HSD17B11: variants seen among roughly 807,000 people sequenced by gnomAD.
HSD17B11 encodes estradiol 17-beta-dehydrogenase 11.
A neutral mutation model predicts 27.8 loss-of-function variants in HSD17B11; 22 were observed. That is an observed-to-expected ratio of 0.79 (90% CI 0.56 to 1.13). The LOEUF (loss-of-function observed/expected upper bound fraction) is 1.13. Ranked by LOEUF, HSD17B11 falls within the 50% of genes most tolerant of loss-of-function variation. HSD17B11 has a pLI of 0.00. For synonymous variants in HSD17B11, 117 were observed against 132.8 expected, an observed-to-expected ratio of 0.88 and a Z score of 0.82; for missense variants, 314 against 351.1, an observed-to-expected ratio of 0.89 and a Z score of 0.84.
chr4:87,368,058 C>G (rs1735640054), intron 4 of HSD17B11, among the ~76,000 whole-genome samples: 1 of 152,196 alleles, frequency 6.6e-6, no homozygotes, highest in South Asian at 2.1e-4. Context: ...TGGCTCATGC[C>G]TGTAATCCCA....
At chr4:87,390,069 C>A (rs1458669430) in intron 1 of HSD17B11, among the ~76,000 whole-genome samples, 1 of 152,172 alleles carries the variant, frequency 6.6e-6, no homozygotes, top group Admixed American at 6.5e-5. Context: ...AAGCAACCCC[C>A]CACCTCAGCC....
intron 4 of HSD17B11, among the ~76,000 whole-genome samples, chr4:87,360,979 A>T (rs1205946454): frequency 6.6e-6 from 1 of 152,216 alleles, no homozygotes; most frequent in Non-Finnish European, 1.5e-5. Flanking sequence ...CATTTAAAAT[A>T]TCCTTAAAAA....
chr4:87,363,206 A>G (rs1345302398), intron 4 of HSD17B11, among the ~76,000 whole-genome samples: 1 of 152,170 alleles, frequency 6.6e-6, no homozygotes, highest in Non-Finnish European at 1.5e-5. Context: ...TGCTCAGGGA[A>G]AAGGAACCCA....
intron 4 of HSD17B11, among the ~76,000 whole-genome samples, chr4:87,361,757 ACT>A (rs1216483172): frequency 1.3e-5 from 2 of 151,966 alleles, no homozygotes; most frequent in South Asian, 2.1e-4. Flanking sequence ...ACAGAGCGAG[ACT>A]CTGTCTCAAA....
At position 87,370,720 on chromosome 4, in the gene HSD17B11, ATATTAT is replaced by A. The variant is rs1165770162; in HGVS notation, c.557+1983_557+1988del. On this transcript the variant is annotated intron_variant, in intron 4 of 6. Coordinates refer to ENST00000358290, the MANE Select transcript of HSD17B11 (RefSeq NM_016245.5). ...GCGTGAGCCTCCACGCCTGGCCTAGATATTATTATTATTATTATTATTATTATTATT... is the reference window on the plus strand; with the variant it reads ...GCGTGAGCCTCCACGCCTGGCCTAGATATTATTATTATTATTATTATTATT... 1.5e-3 allele frequency among the ~76,000 whole-genome samples: 113 copies of A among 75,280 alleles called. 1 individual carries two copies. The Middle Eastern group carries it at 0.021, about 14-fold the overall frequency. 49.4% of individuals were successfully genotyped at this position (75,280 alleles called of 152,430 possible). A position where few individuals can be genotyped will look rare whatever the true frequency, so the allele number is the denominator to read the frequency against.
intron 2 of HSD17B11, among the ~76,000 whole-genome samples, chr4:87,379,591 T>C (rs1027926912): frequency 8.2e-5 from 12 of 145,914 alleles, no homozygotes; most frequent in African/African-American, 3.0e-4. Flanking sequence ...TACACAGCAT[T>C]ATATACAGCA....
At chr4:87,368,133 T>C (rs1051937394) in intron 4 of HSD17B11, among the ~76,000 whole-genome samples, 15 of 152,004 alleles carry the variant, frequency 9.9e-5, no homozygotes, top group African/African-American at 2.7e-4. Flanking sequence ...CTGGCTAACA[T>C]GGTGAAATCC....
Position 87,337,323 on chromosome 4 carries a change from T to C in HSD17B11, c.856A>G (p.Ser286Gly), listed in dbSNP as rs752703504. Residue 286 changes from serine to glycine, a missense_variant, in exon 7 of 7, where the codon AGT becomes GGT. By Grantham distance (56) the Ser-to-Gly change is moderately conservative. Transcript: ENST00000358290. ...CCAATAACTGCATCAAACTTAACAC[T>C]GATTTTTCGTTTTAAAACTGCCAGG... Reference protein sequence around the residue: ...RFLAVLKRKISVKFDAVIGYK... With the variant: ...RFLAVLKRKIGVKFDAVIGYK... The C allele has an allele frequency of 1.2e-6, 2 of 1,606,022 alleles. No homozygotes were observed. The highest frequency in any genetic ancestry group is 2.2e-5 in the South Asian group (2 of 90,474).
At chr4:87,369,581 G>A (rs751502786) in intron 4 of HSD17B11, among the ~76,000 whole-genome samples, 6 of 151,832 alleles carry the variant, frequency 4.0e-5, no homozygotes, top group African/African-American at 4.8e-5. Flanking sequence ...CTACAAGCAC[G>A]CACCACCACA....
At chr4:87,361,122 C>A (rs1279241991) in intron 4 of HSD17B11, among the ~76,000 whole-genome samples, 1 of 152,110 alleles carries the variant, frequency 6.6e-6, no homozygotes, top group Non-Finnish European at 1.5e-5. Flanking sequence ...CATTCTAAGT[C>A]ATAAGATGAC....
intron 1 of HSD17B11, among the ~76,000 whole-genome samples, chr4:87,388,571 G>A (rs996766580): frequency 2.0e-5 from 3 of 152,282 alleles, no homozygotes; most frequent in African/African-American, 7.2e-5. Flanking sequence ...GGCCACCACT[G>A]TAAAGTCAAC....
At chr4:87,378,895 A>ATATATTT (rs1720024843) in intron 2 of HSD17B11, among the ~76,000 whole-genome samples, 2 of 8,418 alleles carry the variant, frequency 2.4e-4, no homozygotes, top group Non-Finnish European at 3.6e-4. Flanking sequence ...TATATATATA[A>ATATATTT]ATATATATAA....
intron 4 of HSD17B11, among the ~76,000 whole-genome samples, chr4:87,370,755 A>ATTATTATT (rs70957229): frequency 5.2e-5 from 3 of 57,534 alleles, no homozygotes; most frequent in Admixed American, 2.2e-4. Flanking sequence ...TATTATTATT[A>ATTATTATT]TTTTTTTTTT....
chr4:87,365,237 A>G (rs577103147), intron 4 of HSD17B11, among the ~76,000 whole-genome samples: 4 of 152,358 alleles, frequency 2.6e-5, no homozygotes, highest in African/African-American at 9.6e-5. Flanking sequence ...GTGTATGTTT[A>G]TATATTACAA....
intron 4 of HSD17B11, among the ~76,000 whole-genome samples, chr4:87,370,615 C>T (rs1382288748): frequency 6.6e-6 from 1 of 151,236 alleles, no homozygotes; most frequent in African/African-American, 2.4e-5. Context: ...GACAGGGTTT[C>T]ACCATGTTGG....
chr4:87,341,960 T>C (rs994894508), intron 5 of HSD17B11, among the ~76,000 whole-genome samples: 1 of 152,210 alleles, frequency 6.6e-6, no homozygotes, highest in Non-Finnish European at 1.5e-5. Context: ...TGAGACTTTT[T>C]AACATTTTAT....
chr4:87,378,853 TATAA>T lies in HSD17B11; in HGVS notation c.318+3398_318+3401del, dbSNP rs1212731022. On this transcript the variant is annotated intron_variant, in intron 2 of 6. Transcript: ENST00000358290. Reference sequence around the variant, plus strand: ...ATAAATATATATATATAAATATATATATAAATATATATAAATATATATATATAAA... The same window carrying T: ...ATAAATATATATATATAAATATATATATATATATAAATATATATATATAAA... Among the ~76,000 whole-genome samples, 51 of 23,264 alleles carry T rather than the reference TATAA, an allele frequency of 2.2e-3. 1 individual carries two copies. The highest frequency in any genetic ancestry group is 0.011 in the Admixed American group (16 of 1,498). 15.3% of individuals were successfully genotyped at this position (23,264 alleles called of 152,430 possible).
intron 4 of HSD17B11, 77 bp downstream of exon 4, chr4:87,372,632 T>C (rs1414046341): frequency 4.6e-6 from 4 of 866,766 alleles, no homozygotes; most frequent in Non-Finnish European, 7.7e-6. Flanking sequence ...ATAAAGAGAG[T>C]TCTTATTAGA....
At chr4:87,359,685 T>C (rs1735469836) in intron 4 of HSD17B11, among the ~76,000 whole-genome samples, 1 of 152,198 alleles carries the variant, frequency 6.6e-6, no homozygotes, top group South Asian at 2.1e-4. Context: ...ATTATTTTGT[T>C]TAATCTTCAT....
Sources: allele counts gnomAD v4.1 joint callset (sites outside exome capture counted in the v4.1 genomes callset), GRCh38; gene constraint gnomAD v4.1.1; transcripts MANE v1.5; gene names NCBI Gene and HGNC (gene_info 2026-07-23, HGNC 2026-07-21).